The following GAK variants were observed in gnomAD, a reference collection of about 807,000 sequenced individuals.
GAK encodes cyclin-G-associated kinase.
GAK carries 79 observed loss-of-function variants against 143.9 expected under a neutral mutation model. That is an observed-to-expected ratio of 0.55 (90% CI 0.46 to 0.66). The LOEUF is 0.66. GAK is among the 30% of genes least tolerant of loss of function. The pLI, the probability that GAK is intolerant of heterozygous loss-of-function variation, is 0.00. For synonymous variants in GAK, 881 were observed against 765.5 expected, an observed-to-expected ratio of 1.15 and a Z score of -2.49; for missense variants, 1,693 against 1,779.7, an observed-to-expected ratio of 0.95 and a Z score of 0.88.
At chr4:859,426 T>TGGCAGTC (rs765683236) in intron 24 of GAK, 180 bp downstream of exon 24, 1 of 1,563,040 alleles carries the variant, frequency 6.4e-7, no homozygotes, top group East Asian at 2.4e-5. Flanking sequence ...GCTTGCCAGT[T>TGGCAGTC]GGCAGTCGCC....
intron 11 of GAK, among the ~76,000 whole-genome samples, chr4:885,104 G>C (rs138901912): frequency 6.6e-6 from 1 of 151,958 alleles, no homozygotes; most frequent in Non-Finnish European, 1.5e-5. Context: ...GCGTTCAAAC[G>C]TTTTAAAAGG....
rs1747888345 is a variant in GAK, at chr4:850,280, G to C, written c.3658-212C>G. ...GGCCAGGTGGTCTTCATGTTTCAGG[G>C]CCTGGGGCCAGAGGGACCCTCGTCT... is the stretch of plus-strand genomic sequence containing the variant. On this transcript the variant is annotated intron_variant, in intron 26 of 27. Transcript: ENST00000314167. 2 of 464,350 alleles carry C rather than the reference G, an allele frequency of 4.3e-6. 1 individual carries two copies. Among genetic ancestry groups the C allele is most frequent in the Non-Finnish European group, 7.6e-6 (2 of 263,538 alleles). 28.8% of individuals were successfully genotyped at this position (464,350 alleles called of 1,614,324 possible). A position where few individuals can be genotyped will look rare whatever the true frequency, so the allele number is the denominator to read the frequency against.
At chr4:889,740 C>G (rs1406062153) in intron 10 of GAK, among the ~76,000 whole-genome samples, 1 of 152,216 alleles carries the variant, frequency 6.6e-6, no homozygotes, top group African/African-American at 2.4e-5. Flanking sequence ...CAGCGCCATG[C>G]AGAGCTGCAG....
chr4:866,157 G>A (rs1010949927), intron 22 of GAK, among the ~76,000 whole-genome samples: 2 of 152,230 alleles, frequency 1.3e-5, no homozygotes, highest in Non-Finnish European at 1.5e-5. Context: ...TCCAGGTTTG[G>A]GGATGGTTTG....
rs1331773733 is a variant in GAK, at chr4:866,537, G to A, written c.2873-3C>T. On this transcript the variant is annotated splice_polypyrimidine_tract_variant and splice_region_variant and intron_variant, in intron 21 of 27. Coordinates refer to ENST00000314167, the MANE Select transcript of GAK (RefSeq NM_005255.4). ...CAGAAGCGGGCCAAAGGGGTCAGCT[G>A]TGGGGACAGGCGGGCATGGGGAGGA... The A allele has an allele frequency of 1.9e-6, 3 of 1,612,948 alleles. No homozygotes were observed. The highest frequency in any genetic ancestry group is 1.7e-6 in the Non-Finnish European group (2 of 1,179,674).
chr4:908,995 A>C (rs1286467186), intron 4 of GAK, among the ~76,000 whole-genome samples: 1 of 152,080 alleles, frequency 6.6e-6, no homozygotes, highest in African/African-American at 2.4e-5. Flanking sequence ...CCCCACTACC[A>C]TGCCTGGCTA....
At position 849,481 on chromosome 4, in the gene GAK, G is replaced by GA; in HGVS notation, c.*191dup. The GA allele has an allele frequency of 1.7e-6, 1 of 581,236 alleles. No individual in the cohort carries two copies. The highest frequency in any genetic ancestry group is 2.2e-5 in the South Asian group (1 of 46,030). 36.0% of individuals were successfully genotyped at this position (581,236 alleles called of 1,614,324 possible). On this transcript the variant is annotated 3_prime_UTR_variant, in exon 28 of 28. Coordinates refer to ENST00000314167, the MANE Select transcript of GAK (RefSeq NM_005255.4). ...GCTGTTCCTTCGGGAGGAGAAAAAG[G>GA]AAACAACAATCAGAGGCTTTGGAAT...
chr4:902,614 A>AAAAAAAAAAAAC (rs796109765), intron 5 of GAK, among the ~76,000 whole-genome samples: 1 of 148,294 alleles, frequency 6.7e-6, no homozygotes. Flanking sequence ...AAAAAAAAAA[A>AAAAAAAAAAAAC]CCCCAAAAAA....
chr4:885,634 G>A (rs1216367128), intron 11 of GAK: 3 of 152,274 alleles, frequency 2.0e-5, no homozygotes, highest in Admixed American at 1.3e-4. Flanking sequence ...CAGACACAGG[G>A]CTCAGGCCCC....
At position 859,645 on chromosome 4, in the gene GAK, G is replaced by C; in HGVS notation, c.3244C>G (p.Pro1082Ala). 1 of 1,602,636 alleles carries C rather than the reference G, an allele frequency of 6.2e-7. No individual in the cohort carries two copies. Among genetic ancestry groups the C allele is most frequent in the Non-Finnish European group, 8.5e-7 (1 of 1,170,454 alleles). Residue 1082 changes from proline to alanine, a missense_variant, in exon 24 of 28, where the codon CCA becomes GCA. Pro to Ala is a conservative substitution (Grantham distance 27). This residue lies in a region of GAK where 822 missense variants were observed against 788.7 expected (regional missense o/e 1.04). Coordinates refer to ENST00000314167, the MANE Select transcript of GAK (RefSeq NM_005255.4). ...CTGAGGTCGCCAAGGTCAGCAAATG[G>C]GTCCGGGTTCTGAGACTTGGTCCAG... ...ASWTKSQNPD[P>A]FADLGDLSSG...
At chr4:872,094 C>T (rs1268065281) in intron 18 of GAK, among the ~76,000 whole-genome samples, 3 of 152,194 alleles carry the variant, frequency 2.0e-5, no homozygotes, top group Admixed American at 6.5e-5. Flanking sequence ...ACGGGCCCGG[C>T]GGCCTGTGTG....
intron 14 of GAK, 148 bp from the exon 15 acceptor site, chr4:882,188 A>C: frequency 1.1e-6 from 1 of 909,000 alleles, no homozygotes; most frequent in Non-Finnish European, 1.6e-6. Flanking sequence ...GAGCTACATA[A>C]CGTGCCTGCC....
intron 2 of GAK, among the ~76,000 whole-genome samples, 167 bp downstream of exon 2, chr4:913,440 G>C (rs536500914): frequency 2.0e-4 from 30 of 152,314 alleles, no homozygotes; most frequent in African/African-American, 6.5e-4. Context: ...CAAGGCTCCT[G>C]CAGTGCCCAA....
chr4:906,178 G>A (rs572809272), intron 4 of GAK, among the ~76,000 whole-genome samples: 5 of 147,206 alleles, frequency 3.4e-5, no homozygotes, highest in South Asian at 4.2e-4. Flanking sequence ...CTCAGCAGCC[G>A]AGCCGGCGAG....
chr4:881,911 T>C lies in GAK; in HGVS notation c.1657A>G (p.Lys553Glu). 1.3e-6 allele frequency: 2 copies of C among 1,587,238 alleles called. No homozygotes were observed. Among genetic ancestry groups the C allele is most frequent in the East Asian group, 2.3e-5 (1 of 43,840 alleles). ...RCPPGIWPSH[K>E]RYIEYMCDMV... is the part of the protein sequence containing the mutation. ...CCCCGGAGGGCCACGCAGTACCTTT[T>C]GTGGGATGGCCAGATGCCTGGTGGG... is the stretch of plus-strand genomic sequence containing the variant. Residue 553 changes from lysine to glutamate, a missense_variant, in exon 15 of 28, where the codon AAA becomes GAA. Coordinates refer to ENST00000314167, the MANE Select transcript of GAK (RefSeq NM_005255.4).
At position 867,104 on chromosome 4, in the gene GAK, G is replaced by A. The variant is rs757359967; in HGVS notation, c.2724C>T (p.Thr908=). ...GCCCAAGGAGGCAGCTGAGCAGGTC[G>A]GTGTTGCTGGAGGGGGCCTTGCAGG... is the stretch of plus-strand genomic sequence containing the variant. The part of the protein sequence containing the change: ...PQACKAPSSN[T]DLLSCLLGPP... Residue 908 remains threonine, a synonymous_variant, in exon 21 of 28, where the codon ACC becomes ACT. Transcript: ENST00000314167. 22 of 1,571,710 alleles carry A rather than the reference G, an allele frequency of 1.4e-5. No homozygotes were observed. In the East Asian group the frequency reaches 1.6e-4, roughly 11 times the overall value.
chr4:890,803 G>A (rs547945300), intron 9 of GAK, among the ~76,000 whole-genome samples, 181 bp from the exon 10 acceptor site: 85 of 152,310 alleles, frequency 5.6e-4, no homozygotes, highest in African/African-American at 1.9e-3. Flanking sequence ...ACAAACGCAC[G>A]CAGCCCTCAT....
chr4:858,742 A>G lies in GAK; in HGVS notation c.3283+864T>C, dbSNP rs78835298. On this transcript the variant is annotated intron_variant, in intron 24 of 27. Transcript: ENST00000314167. The stretch of plus-strand genomic sequence containing the variant: ...AGGACTCAAAGCCAGCCCGGGAGAG[A>G]GTGAGGACTCGAAGCCAGCCCTAGA... 1.8e-3 allele frequency among the ~76,000 whole-genome samples: 271 copies of G among 152,250 alleles called. 1 individual carries two copies. Among genetic ancestry groups the G allele is most frequent in the Non-Finnish European group, 3.3e-3 (221 of 67,998 alleles).
At chr4:919,418 C>T (rs1723580822) in intron 1 of GAK, among the ~76,000 whole-genome samples, 1 of 152,284 alleles carries the variant, frequency 6.6e-6, no homozygotes, top group Non-Finnish European at 1.5e-5. Flanking sequence ...GCCGCATGAC[C>T]TTAGCAGGGC....
Sources: allele counts gnomAD v4.1 joint callset (sites outside exome capture counted in the v4.1 genomes callset), GRCh38; gene constraint gnomAD v4.1.1; regional missense constraint gnomAD v4.1.1; transcripts MANE v1.5; gene names NCBI Gene and HGNC (gene_info 2026-07-23, HGNC 2026-07-21).